Variants in RNLS observed in about 807,000 individuals in gnomAD.
RNLS encodes renalase, FAD dependent amine oxidase, also known as renalase.
Under a neutral mutation model 39.8 loss-of-function variants are expected in RNLS, and 39 were observed. The ratio of observed to expected loss-of-function variants is 0.98; its 90% CI spans 0.76 to 1.28. RNLS has a LOEUF of 1.28. Among genes scored for constraint, RNLS ranks in the 50% most tolerant of loss-of-function variants. The probability of loss-of-function intolerance (pLI) is 0.00; values close to 1 mark genes in which losing one functional copy is unlikely to be tolerated. For synonymous variants in RNLS, 147 were observed against 150.7 expected (o/e 0.98, Z 0.18); for missense variants, 410 against 413.3 (o/e 0.99, Z 0.07).
intron 4 of RNLS, among the ~76,000 whole-genome samples, chr10:88,454,045 T>A (rs1201034584): frequency 6.6e-6 from 1 of 152,200 alleles, no homozygotes; most frequent in Non-Finnish European, 1.5e-5. Context: ...GTGGATGAGA[T>A]TCCTGATGGA....
the RNLS span, among the ~76,000 whole-genome samples, chr10:88,235,427 C>T: frequency 1.8e-4 from 28 of 152,170 alleles, no homozygotes; most frequent in South Asian, 4.1e-4. Flanking sequence ...GTGATATCAA[C>T]GACTCACATG....
chr10:88,248,130 A>C, the RNLS span, among the ~76,000 whole-genome samples: 1 of 152,224 alleles, frequency 6.6e-6, no homozygotes, highest in Admixed American at 6.5e-5. Flanking sequence ...GTACTTAATA[A>C]AATGTTAGCT....
At chr10:88,462,246 T>C (rs769489376) in intron 4 of RNLS, among the ~76,000 whole-genome samples, 18 of 152,208 alleles carry the variant, frequency 1.2e-4, no homozygotes, top group Non-Finnish European at 2.4e-4. Context: ...AGTAGGTGTA[T>C]ATATTTCTGA....
intron 4 of RNLS, among the ~76,000 whole-genome samples, chr10:88,537,522 A>G (rs1441490044): frequency 6.6e-6 from 1 of 152,238 alleles, no homozygotes; most frequent in Non-Finnish European, 1.5e-5. Flanking sequence ...CACAGCAGTA[A>G]GAATGAACCA....
At chr10:88,509,967 A>C (rs1846018164) in intron 4 of RNLS, among the ~76,000 whole-genome samples, 1 of 152,158 alleles carries the variant, frequency 6.6e-6, no homozygotes, top group Admixed American at 6.6e-5. Context: ...TAAATTTTTC[A>C]TAGTCTCCTT....
intron 4 of RNLS, among the ~76,000 whole-genome samples, chr10:88,473,312 T>C (rs1843649199): frequency 4.6e-5 from 7 of 152,122 alleles, no homozygotes; most frequent in Admixed American, 4.6e-4. Flanking sequence ...TAAAGAAAGA[T>C]CCTTTTTTTC....
chr10:88,196,361 T>G, the RNLS span, among the ~76,000 whole-genome samples: 1 of 152,266 alleles, frequency 6.6e-6, no homozygotes, highest in Non-Finnish European at 1.5e-5. Context: ...CTATCTATTC[T>G]ATTCCCTCTA....
chr10:88,334,130 A>C (rs1847317169), intron 5 of RNLS, among the ~76,000 whole-genome samples: 1 of 152,220 alleles, frequency 6.6e-6, no homozygotes, highest in African/African-American at 2.4e-5. Flanking sequence ...TCAAAGGGTA[A>C]GCATATTTAA....
chr10:88,325,697 C>A (rs533391470), intron 5 of RNLS, among the ~76,000 whole-genome samples: 1 of 152,132 alleles, frequency 6.6e-6, no homozygotes, highest in Admixed American at 6.5e-5. Context: ...TATCATAACA[C>A]GCATTTTTAA....
Position 88,394,906 on chromosome 10 carries a change from A to T in RNLS, c.527-32181T>A, listed in dbSNP as rs569477167. 4.2e-3 allele frequency among the ~76,000 whole-genome samples: 638 copies of T among 152,280 alleles called. 5 individuals are homozygous for T. Among genetic ancestry groups the T allele is most frequent in the African/African-American group, 0.014 (597 of 41,544 alleles). On this transcript the variant is annotated intron_variant, in intron 4 of 6. Coordinates refer to ENST00000331772, the MANE Select transcript of RNLS (RefSeq NM_001031709.3). ...ATGTCCTTTGTAGGGACATGGATGA[A>T]ACTGGAAACAATCATTCTCAGCAAA...
At chr10:88,578,671 C>G (rs1850350938) in intron 3 of RNLS, among the ~76,000 whole-genome samples, 1 of 152,000 alleles carries the variant, frequency 6.6e-6, no homozygotes, top group Non-Finnish European at 1.5e-5. Context: ...ATCACTCTAC[C>G]TACTATGTAG....
At chr10:88,575,083 C>T (rs1850082408) in intron 3 of RNLS, among the ~76,000 whole-genome samples, 1 of 145,250 alleles carries the variant, frequency 6.9e-6, no homozygotes, top group South Asian at 2.2e-4. Flanking sequence ...CAGATGAACG[C>T]CTTGAAAATG....
chr10:88,515,958 G>C (rs1350741562), intron 4 of RNLS, among the ~76,000 whole-genome samples: 1 of 151,892 alleles, frequency 6.6e-6, no homozygotes, highest in East Asian at 1.9e-4. Flanking sequence ...CAATTTGACT[G>C]GTGTCCTTAA....
chr10:88,336,745 G>C (rs377488572), intron 5 of RNLS, among the ~76,000 whole-genome samples: 1 of 152,280 alleles, frequency 6.6e-6, no homozygotes, highest in South Asian at 2.1e-4. Flanking sequence ...ATCTATTTTA[G>C]CAATACTTTC....
chr10:88,560,275 T>G (rs1849096327), intron 4 of RNLS, among the ~76,000 whole-genome samples: 3 of 152,112 alleles, frequency 2.0e-5, no homozygotes, highest in Admixed American at 2.0e-4. Context: ...TAAAACTTAT[T>G]GCAACAGTAT....
At chr10:88,378,045 C>T (rs539338540) in intron 4 of RNLS, among the ~76,000 whole-genome samples, 1 of 151,780 alleles carries the variant, frequency 6.6e-6, no homozygotes, top group South Asian at 2.1e-4. Context: ...TAGGTATACA[C>T]AGGGTCAGGG....
intron 5 of RNLS, among the ~76,000 whole-genome samples, chr10:88,316,687 C>A (rs1332783852): frequency 6.6e-6 from 1 of 152,142 alleles, no homozygotes; most frequent in Non-Finnish European, 1.5e-5. Context: ...AGGTTTCTCC[C>A]ATTTACATTA....
chr10:88,200,877 T>G, the RNLS span, among the ~76,000 whole-genome samples: 2 of 152,158 alleles, frequency 1.3e-5, no homozygotes, highest in Admixed American at 1.3e-4. Flanking sequence ...ACAGTAACAA[T>G]GCTTTGTAGA....
At chr10:88,426,045 G>A (rs534471887) in intron 4 of RNLS, among the ~76,000 whole-genome samples, 18 of 152,132 alleles carry the variant, frequency 1.2e-4, no homozygotes, top group Admixed American at 9.8e-4. Context: ...GCTGGACAGA[G>A]GGCTAGAATA....
Sources: gnomAD v4.1 joint callset for allele counts (sites outside exome capture counted in the v4.1 genomes callset) on GRCh38, gnomAD v4.1.1 for gene constraint, MANE v1.5 for transcripts, NCBI Gene and HGNC (gene_info 2026-07-23, HGNC 2026-07-21) for gene names.